DYM: variants seen among roughly 807,000 people sequenced by gnomAD.
The protein encoded by DYM is dymeclin, also known as dyggve-Melchior-Clausen syndrome protein.
In DYM, 78 loss-of-function variants were observed where a neutral mutation model predicts 93.1. The observed-to-expected ratio is 0.84, with a 90% CI of 0.70 to 1.01. The LOEUF is 1.01. Among genes scored for constraint, DYM ranks in the 50% least tolerant of loss-of-function variants. The probability of loss-of-function intolerance (pLI) is 0.00; values close to 1 mark genes in which losing one functional copy is unlikely to be tolerated. For missense variants in DYM, 789 were observed against 845.0 expected (o/e 0.93, Z 0.82); for synonymous variants, 321 against 319.7 (o/e 1.00, Z -0.04).
At chr18:49,100,560 T>A (rs1220269900) in intron 16 of DYM, among the ~76,000 whole-genome samples, 1 of 152,232 alleles carries the variant, frequency 6.6e-6, no homozygotes, top group African/African-American at 2.4e-5. Context: ...GGTTCTCATT[T>A]GTATGTTTTA....
At chr18:49,452,777 G>C (rs2082636832) in intron 1 of DYM, among the ~76,000 whole-genome samples, 1 of 135,834 alleles carries the variant, frequency 7.4e-6, no homozygotes, top group Admixed American at 7.2e-5. Flanking sequence ...AGCTCTGCCT[G>C]CGGCCCTGGT....
intron 2 of DYM, among the ~76,000 whole-genome samples, chr18:49,422,717 G>A (rs1396077550): frequency 1.6e-4 from 25 of 151,672 alleles, no homozygotes; most frequent in Admixed American, 1.2e-3. Flanking sequence ...ACAAGCAAAC[G>A]GAAAACAAAA....
chr18:49,150,452 A>G lies in DYM; in HGVS notation c.1728+13233T>C, dbSNP rs538748985. 7.2e-5 allele frequency among the ~76,000 whole-genome samples: 11 copies of G among 152,338 alleles called. 1 individual carries two copies. The South Asian group carries it at 2.3e-3, about 32-fold the overall frequency. On this transcript the variant is annotated intron_variant, in intron 15 of 17. Transcript: ENST00000675505. ...AGAGCTTGCTCTTGGTCTCTCTGCT[A>G]ACATAGATGCTAACAAAAGGCCATG...
chr18:49,193,551 G>A (rs79848567), intron 14 of DYM, among the ~76,000 whole-genome samples: 2,108 of 152,164 alleles, frequency 0.014, 44 homozygotes, highest in African/African-American at 0.048. Context: ...CTGTGAACAC[G>A]GTTTTAAAAC....
At chr18:49,220,651 G>C (rs1446863092) in intron 13 of DYM, among the ~76,000 whole-genome samples, 1 of 152,118 alleles carries the variant, frequency 6.6e-6, no homozygotes, top group Non-Finnish European at 1.5e-5. Flanking sequence ...ACAATCAATG[G>C]GGAAAGGATT....
At chr18:49,089,675 T>C (rs532447543) in intron 17 of DYM, among the ~76,000 whole-genome samples, 4 of 152,340 alleles carry the variant, frequency 2.6e-5, no homozygotes, top group African/African-American at 9.6e-5. Context: ...ACCAGTCTAC[T>C]AGGTTAGAAT....
intron 11 of DYM, among the ~76,000 whole-genome samples, chr18:49,261,030 A>G (rs1444326566): frequency 6.6e-6 from 1 of 152,256 alleles, no homozygotes; most frequent in Admixed American, 6.5e-5. Context: ...AAATCTAAAT[A>G]ATATACTAAA....
At chr18:49,213,464 T>A (rs2092887119) in intron 13 of DYM, among the ~76,000 whole-genome samples, 1 of 152,106 alleles carries the variant, frequency 6.6e-6, no homozygotes, top group Admixed American at 6.6e-5. Context: ...TACAGGCGCA[T>A]GCCACCATGC....
At chr18:49,097,090 C>T (rs2079611703) in intron 17 of DYM, 1 of 432,728 alleles carries the variant, frequency 2.3e-6, no homozygotes. Flanking sequence ...TCTTCATCAT[C>T]ACCTTCCCAT....
chr18:49,287,589 A>G (rs1181173533), intron 8 of DYM, among the ~76,000 whole-genome samples: 2 of 151,986 alleles, frequency 1.3e-5, no homozygotes, highest in Non-Finnish European at 2.9e-5. Flanking sequence ...GTCCACTTAG[A>G]AATGCGCTGT....
At chr18:49,179,314 T>G (rs1015016899) in intron 14 of DYM, among the ~76,000 whole-genome samples, 4 of 152,166 alleles carry the variant, frequency 2.6e-5, no homozygotes, top group African/African-American at 9.7e-5. Context: ...ATAAGGAGAT[T>G]TGACCAATAT....
At chr18:49,312,305 T>C (rs1390865471) in intron 8 of DYM, among the ~76,000 whole-genome samples, 2 of 152,188 alleles carry the variant, frequency 1.3e-5, no homozygotes, top group African/African-American at 4.8e-5. Context: ...TCAGACCGGA[T>C]TGAGAACTTG....
intron 6 of DYM, among the ~76,000 whole-genome samples, chr18:49,362,441 G>T (rs780474205): frequency 6.6e-6 from 1 of 152,108 alleles, no homozygotes; most frequent in Non-Finnish European, 1.5e-5. Flanking sequence ...ACAAATAAGG[G>T]TCTATTTCTG....
intron 6 of DYM, among the ~76,000 whole-genome samples, chr18:49,335,870 G>A (rs1254455991): frequency 6.6e-6 from 1 of 151,602 alleles, no homozygotes; most frequent in South Asian, 2.1e-4. Context: ...CTGACACCTA[G>A]TGGCGCGATC....
intron 3 of DYM, among the ~76,000 whole-genome samples, chr18:49,387,402 G>A (rs547238444): frequency 2.0e-5 from 3 of 151,980 alleles, no homozygotes; most frequent in East Asian, 1.9e-4. Flanking sequence ...TCAGCCTCCC[G>A]AGTAGCTGAG....
chr18:49,445,641 T>C (rs1306127237), intron 1 of DYM, among the ~76,000 whole-genome samples: 2 of 152,152 alleles, frequency 1.3e-5, no homozygotes, highest in Non-Finnish European at 2.9e-5. Context: ...ATGGGGGATG[T>C]TACACTGTCA....
At chr18:49,198,556 A>G (rs2091704985) in intron 14 of DYM, among the ~76,000 whole-genome samples, 1 of 152,238 alleles carries the variant, frequency 6.6e-6, no homozygotes, top group Non-Finnish European at 1.5e-5. Flanking sequence ...CCCCATCAAA[A>G]AGTGGGTGAA....
At chr18:49,241,572 G>A (rs2094010626) in intron 13 of DYM, among the ~76,000 whole-genome samples, 1 of 152,208 alleles carries the variant, frequency 6.6e-6, no homozygotes, top group Non-Finnish European at 1.5e-5. Flanking sequence ...TGTTTTGGAA[G>A]ATGGTGGTAA....
intron 17 of DYM, among the ~76,000 whole-genome samples, chr18:49,097,030 C>T (rs558484672): frequency 9.3e-4 from 142 of 152,286 alleles, no homozygotes; most frequent in South Asian, 3.7e-3. Flanking sequence ...CATTTAGAAC[C>T]TGTGTGGCAC....
Sources: allele counts gnomAD v4.1 joint callset (sites outside exome capture counted in the v4.1 genomes callset), GRCh38; gene constraint gnomAD v4.1.1; transcripts MANE v1.5; gene names NCBI Gene and HGNC (gene_info 2026-07-23, HGNC 2026-07-21).